The following ADGRB3 variants were observed in gnomAD, a reference collection of about 807,000 sequenced individuals.
ADGRB3 encodes the protein adhesion G protein-coupled receptor B3.
Under a neutral mutation model 193.4 loss-of-function variants are expected in ADGRB3, and 37 were observed. The observed-to-expected ratio is 0.19, with a 90% CI of 0.15 to 0.25. ADGRB3 has a LOEUF of 0.25. ADGRB3 is among the 10% of genes least tolerant of loss of function. The pLI is 1.00. For synonymous variants in ADGRB3, 690 were observed against 644.2 expected, an observed-to-expected ratio of 1.07 and a Z score of -1.08; for missense variants, 1,637 against 1,852.9, an observed-to-expected ratio of 0.88 and a Z score of 2.14.
At chr6:69,230,279 T>C (rs1746241818) in intron 17 of ADGRB3, among the ~76,000 whole-genome samples, 1 of 152,218 alleles carries the variant, frequency 6.6e-6, no homozygotes, top group African/African-American at 2.4e-5. Flanking sequence ...GTTTACCCTA[T>C]CGATAACAAA....
Position 69,389,399 on chromosome 6 carries a change from A to G in ADGRB3, c.*508A>G, listed in dbSNP as rs960043242. 9.8e-5 allele frequency: 15 copies of G among 152,734 alleles called. No homozygotes were observed. The highest frequency in any genetic ancestry group is 3.6e-4 in the African/African-American group (15 of 41,566). 9.5% of individuals were successfully genotyped at this position (152,734 alleles called of 1,614,324 possible). On this transcript the variant is annotated 3_prime_UTR_variant, in exon 32 of 32. Coordinates refer to ENST00000370598, the MANE Select transcript of ADGRB3 (RefSeq NM_001704.3). ...CTTTTATATGAATAATATATTTCAC[A>G]TCTTTATTATTGCAGTTTTCTCTAG... is the stretch of plus-strand genomic sequence containing the variant.
At chr6:69,063,655 T>C (rs1771816675) in intron 16 of ADGRB3, among the ~76,000 whole-genome samples, 1 of 151,942 alleles carries the variant, frequency 6.6e-6, no homozygotes, top group African/African-American at 2.4e-5. Flanking sequence ...GGAAGGCTTA[T>C]TATAACTACC....
intron 17 of ADGRB3, among the ~76,000 whole-genome samples, chr6:69,195,327 C>G (rs976762755): frequency 6.6e-6 from 1 of 151,764 alleles, no homozygotes; most frequent in African/African-American, 2.4e-5. Context: ...CCCAGTAATT[C>G]GAGACCAGGC....
intron 3 of ADGRB3, among the ~76,000 whole-genome samples, chr6:68,846,130 C>G (rs1194892581): frequency 6.6e-6 from 1 of 152,070 alleles, no homozygotes; most frequent in Admixed American, 6.6e-5. Flanking sequence ...TTGCCCCTGC[C>G]CTAGAGATCT....
intron 20 of ADGRB3, among the ~76,000 whole-genome samples, chr6:69,279,075 A>ATATATATATATATATATATATATATATG (rs1767365028): frequency 2.9e-5 from 1 of 34,600 alleles, no homozygotes; most frequent in Admixed American, 2.8e-4. Context: ...ACATATGTAT[A>ATATATATATATATATATATATATATATG]TATATATATA....
At chr6:68,675,096 C>A (rs1317435086) in intron 3 of ADGRB3, among the ~76,000 whole-genome samples, 1 of 152,080 alleles carries the variant, frequency 6.6e-6, no homozygotes, top group Non-Finnish European at 1.5e-5. Flanking sequence ...AACATTGATG[C>A]AGTTTAGTTG....
chr6:69,223,700 G>A (rs983881501), intron 17 of ADGRB3, among the ~76,000 whole-genome samples: 26 of 144,120 alleles, frequency 1.8e-4, no homozygotes, highest in African/African-American at 6.5e-4. Context: ...TGTCACTCAG[G>A]GGCTGGTATG....
chr6:68,765,577 C>CA (rs1582182472), intron 3 of ADGRB3, among the ~76,000 whole-genome samples: 1 of 149,480 alleles, frequency 6.7e-6, no homozygotes, highest in Non-Finnish European at 1.5e-5. Context: ...CACACACACA[C>CA]CTGGAGCAGA....
At chr6:69,276,581 T>G (rs561100613) in intron 20 of ADGRB3, among the ~76,000 whole-genome samples, 1 of 152,310 alleles carries the variant, frequency 6.6e-6, no homozygotes, top group African/African-American at 2.4e-5. Context: ...TGTGAAGTGC[T>G]TCTCATTTTG....
chr6:68,711,931 G>T (rs1765415169), intron 3 of ADGRB3, among the ~76,000 whole-genome samples: 1 of 151,934 alleles, frequency 6.6e-6, no homozygotes, highest in Non-Finnish European at 1.5e-5. Flanking sequence ...AAGACTGGGA[G>T]GTGTTACTTT....
chr6:68,919,120 A>T (rs1042597366), intron 3 of ADGRB3, among the ~76,000 whole-genome samples: 2 of 152,002 alleles, frequency 1.3e-5, no homozygotes, highest in Non-Finnish European at 2.9e-5. Flanking sequence ...GTAAACTTTA[A>T]TTATTACTCT....
intron 21 of ADGRB3, 142 bp downstream of exon 21, chr6:69,325,164 T>G (rs534485285): frequency 8.9e-7 from 1 of 1,120,524 alleles, no homozygotes; most frequent in Non-Finnish European, 1.2e-6. Context: ...CTGGTCAGTT[T>G]TGAACATTCA....
chr6:68,936,407 C>T, intron 4 of ADGRB3, 112 bp from the exon 5 acceptor site: 1 of 1,106,130 alleles, frequency 9.0e-7, no homozygotes, highest in Non-Finnish European at 1.3e-6. Flanking sequence ...GATGTATGGT[C>T]ATATTTTTAC....
intron 3 of ADGRB3, among the ~76,000 whole-genome samples, chr6:68,809,042 A>T (rs542023963): frequency 6.8e-6 from 1 of 146,514 alleles, no homozygotes; most frequent in African/African-American, 2.5e-5. Context: ...GAACATTCCA[A>T]ACCCTGGCCT....
chr6:68,857,553 C>A (rs485721), intron 3 of ADGRB3, among the ~76,000 whole-genome samples: 68,057 of 152,066 alleles, frequency 0.45, 16,574 homozygotes, highest in East Asian at 0.6. Context: ...CAATGTCTCC[C>A]ATTTGGAATG....
intron 3 of ADGRB3, among the ~76,000 whole-genome samples, chr6:68,675,445 T>C (rs1177438442): frequency 6.6e-6 from 1 of 151,822 alleles, no homozygotes. Context: ...GGACTTAAAA[T>C]TCAAAAAAAT....
intron 3 of ADGRB3, among the ~76,000 whole-genome samples, chr6:68,693,579 G>A (rs999638396): frequency 6.6e-6 from 1 of 151,946 alleles, no homozygotes; most frequent in African/African-American, 2.4e-5. Context: ...AATTGTTAAA[G>A]TCAAATAGTT....
chr6:68,818,449 A>G (rs1267508409), intron 3 of ADGRB3, among the ~76,000 whole-genome samples: 1 of 151,942 alleles, frequency 6.6e-6, no homozygotes, highest in Admixed American at 6.6e-5. Flanking sequence ...GTCTGGTGTG[A>G]TATATGAAAG....
intron 17 of ADGRB3, among the ~76,000 whole-genome samples, chr6:69,086,930 C>G (rs1327239485): frequency 6.6e-6 from 1 of 152,092 alleles, no homozygotes; most frequent in Non-Finnish European, 1.5e-5. Flanking sequence ...GTGTGGATAT[C>G]TGTGTGCTGA....
Sources: gnomAD v4.1 joint callset for allele counts (sites outside exome capture counted in the v4.1 genomes callset) on GRCh38, gnomAD v4.1.1 for gene constraint, MANE v1.5 for transcripts, NCBI Gene and HGNC (gene_info 2026-07-23, HGNC 2026-07-21) for gene names.